PDIA5: variants seen among roughly 807,000 people sequenced by gnomAD.
PDIA5 encodes protein disulfide-isomerase A5.
In PDIA5, 58 loss-of-function variants were observed where a neutral mutation model predicts 77.6. The ratio of observed to expected loss-of-function variants is 0.75; its 90% confidence interval spans 0.61 to 0.93. PDIA5 has a LOEUF of 0.93. PDIA5 is among the 40% of genes least tolerant of loss of function. The pLI, the probability that PDIA5 is intolerant of heterozygous loss-of-function variation, is 0.00. For synonymous variants in PDIA5, 250 were observed against 252.1 expected, an observed-to-expected ratio of 0.99 and a Z score of 0.08; for missense variants, 630 against 647.7, an observed-to-expected ratio of 0.97 and a Z score of 0.30.
In PDIA5 at chr3:123,118,607, G is replaced by A. The variant is rs534292022; in HGVS notation, c.609+2309G>A. 1.9e-4 allele frequency among the ~76,000 whole-genome samples: 29 copies of A among 152,222 alleles called. No homozygotes were observed. In the South Asian group the frequency reaches 3.5e-3, roughly 19 times the overall value. ...CTGCCACAGAGCTCATCCCTGTCAC[G>A]CACAGCCAGATACGTTCATCTTTGC... On this transcript the variant is annotated intron_variant, in intron 8 of 16. Coordinates refer to ENST00000316218, the MANE Select transcript of PDIA5 (RefSeq NM_006810.4).
At chr3:123,087,254 T>C (rs987029902) in intron 1 of PDIA5, among the ~76,000 whole-genome samples, 1 of 152,198 alleles carries the variant, frequency 6.6e-6, no homozygotes. Flanking sequence ...GCTCAAGTGA[T>C]TCTCCTGCCT....
At chr3:123,088,550 G>A (rs1042824223) in intron 1 of PDIA5, among the ~76,000 whole-genome samples, 5 of 152,212 alleles carry the variant, frequency 3.3e-5, no homozygotes, top group Non-Finnish European at 7.3e-5. Flanking sequence ...AATATGGACA[G>A]ACATTGACCT....
At chr3:123,130,339 G>C in intron 10 of PDIA5, 141 bp from the exon 11 acceptor site, 1 of 877,602 alleles carries the variant, frequency 1.1e-6, no homozygotes, top group Admixed American at 2.5e-5. Context: ...CATGAGGGCA[G>C]TTTCTGGTTT....
At chr3:123,126,632 C>T (rs958756616) in intron 10 of PDIA5, among the ~76,000 whole-genome samples, 1 of 152,216 alleles carries the variant, frequency 6.6e-6, no homozygotes, top group African/African-American at 2.4e-5. Context: ...CCAGTTTCCC[C>T]TCACATCCTT....
At chr3:123,088,428 T>C (rs9816193) in intron 1 of PDIA5, among the ~76,000 whole-genome samples, 53,855 of 152,004 alleles carry the variant, frequency 0.35, 10,363 homozygotes, top group African/African-American at 0.5. Flanking sequence ...TCCATTCCCA[T>C]CCTAAGCATT....
At chr3:123,074,552 A>G (rs2107904397) in intron 1 of PDIA5, among the ~76,000 whole-genome samples, 1 of 152,342 alleles carries the variant, frequency 6.6e-6, no homozygotes, top group African/African-American at 2.4e-5. Context: ...TGCATCATAT[A>G]AAAAGATCAA....
chr3:123,067,411 G>A (rs1007732759), intron 1 of PDIA5: 9 of 429,450 alleles, frequency 2.1e-5, no homozygotes, highest in African/African-American at 1.6e-4. Context: ...AGCGCTCCCG[G>A]ACGCAGGGGC....
At chr3:123,153,765 G>C (rs1935962765) in intron 14 of PDIA5, among the ~76,000 whole-genome samples, 1 of 152,212 alleles carries the variant, frequency 6.6e-6, no homozygotes, top group Non-Finnish European at 1.5e-5. Flanking sequence ...ACTAAATTCA[G>C]ATTAAACTTG....
At chr3:123,161,488 T>C (rs758013430) in intron 16 of PDIA5, 33 bp downstream of exon 16, 8 of 1,603,704 alleles carry the variant, frequency 5.0e-6, no homozygotes, top group Non-Finnish European at 6.8e-6. Context: ...CCCAGAGCTC[T>C]CTCTCTGCTG....
At chr3:123,158,879 A>G (rs1936083252) in intron 15 of PDIA5, among the ~76,000 whole-genome samples, 1 of 152,224 alleles carries the variant, frequency 6.6e-6, no homozygotes, top group South Asian at 2.1e-4. Context: ...ATAGCTGAGA[A>G]GAGCTTTATT....
At chr3:123,090,221 C>T (rs1013193905) in intron 2 of PDIA5, among the ~76,000 whole-genome samples, 7 of 152,188 alleles carry the variant, frequency 4.6e-5, no homozygotes, top group African/African-American at 1.7e-4. Flanking sequence ...ACACATGCCC[C>T]GAGTGCATTG....
chr3:123,089,703 T>G (rs767366836), intron 2 of PDIA5, among the ~76,000 whole-genome samples: 1 of 152,256 alleles, frequency 6.6e-6, no homozygotes, highest in Non-Finnish European at 1.5e-5. Flanking sequence ...GCCGGCCTGT[T>G]GCCAGCTGAA....
At chr3:123,137,252 A>C (rs1197846534) in intron 11 of PDIA5, among the ~76,000 whole-genome samples, 3 of 152,242 alleles carry the variant, frequency 2.0e-5, no homozygotes, top group Non-Finnish European at 4.4e-5. Flanking sequence ...GTCTGCAGCT[A>C]TCTGACCTCT....
At chr3:123,105,095 G>A (rs1228506529) in intron 5 of PDIA5, among the ~76,000 whole-genome samples, 1 of 152,178 alleles carries the variant, frequency 6.6e-6, no homozygotes, top group African/African-American at 2.4e-5. Context: ...AGAAGGGGGA[G>A]GAGGGCTGGG....
intron 15 of PDIA5, 130 bp from the exon 16 acceptor site, chr3:123,161,191 T>C: frequency 1.0e-6 from 1 of 961,860 alleles, no homozygotes; most frequent in South Asian, 1.6e-5. Flanking sequence ...TTTGGTTCAG[T>C]TCCTACCTGC....
At chr3:123,147,721 G>A (rs182387555) in intron 13 of PDIA5, among the ~76,000 whole-genome samples, 1 of 152,330 alleles carries the variant, frequency 6.6e-6, no homozygotes, top group Non-Finnish European at 1.5e-5. Flanking sequence ...GAAAATGATG[G>A]TTTGCCTCTG....
chr3:123,079,488 C>T lies in PDIA5; in HGVS notation c.43-9680C>T, dbSNP rs72974432. ...CATTAAAGCAAATATTTTTGCATTG[C>T]GAAGTCTTTAAAAACACCATTTAAA... On this transcript the variant is annotated intron_variant, in intron 1 of 16. Coordinates refer to ENST00000316218, the MANE Select transcript of PDIA5 (RefSeq NM_006810.4). Among the ~76,000 whole-genome samples the T allele has an allele frequency of 1.0e-2, 1,517 of 152,148 alleles. 26 individuals carry two copies. Among genetic ancestry groups the T allele is most frequent in the African/African-American group, 0.034 (1,427 of 41,506 alleles).
chr3:123,099,366 C>G (rs940153468), intron 3 of PDIA5, among the ~76,000 whole-genome samples: 1 of 152,218 alleles, frequency 6.6e-6, no homozygotes, highest in Non-Finnish European at 1.5e-5. Flanking sequence ...AAAACCAAGC[C>G]CTTGGCTTCA....
intron 1 of PDIA5, among the ~76,000 whole-genome samples, chr3:123,080,883 C>T (rs974669025): frequency 2.6e-5 from 4 of 152,046 alleles, no homozygotes; most frequent in Admixed American, 6.5e-5. Flanking sequence ...ACCCAGGTAA[C>T]GTCTATCTTA....
Sources: allele counts gnomAD v4.1 joint callset (sites outside exome capture counted in the v4.1 genomes callset), GRCh38; gene constraint gnomAD v4.1.1; transcripts MANE v1.5; gene names NCBI Gene and HGNC (gene_info 2026-07-23, HGNC 2026-07-21).